Variants in MALRD1 observed in about 807,000 individuals in gnomAD.
MALRD1 encodes MAM and LDL-receptor class A domain-containing protein 1.
MALRD1 carries 247 observed loss-of-function variants against 242.1 expected under a neutral mutation model. That is an observed-to-expected ratio of 1.02 (90% CI 0.92 to 1.13). MALRD1 has a LOEUF of 1.13. Among genes scored for constraint, MALRD1 ranks in the 50% most tolerant of loss-of-function variants. The pLI is 0.00. For synonymous variants in MALRD1, 995 were observed against 866.6 expected, an observed-to-expected ratio of 1.15 and a Z score of -2.60; for missense variants, 2,989 against 2,533.1, an observed-to-expected ratio of 1.18 and a Z score of -3.86.
chr10:19,369,574 T>A (rs1845277101), intron 26 of MALRD1, among the ~76,000 whole-genome samples: 1 of 149,262 alleles, frequency 6.7e-6, no homozygotes, highest in African/African-American at 2.4e-5. Flanking sequence ...TATGCAAATA[T>A]GTGAATATAT....
intron 18 of MALRD1, among the ~76,000 whole-genome samples, chr10:19,236,051 T>C (rs1838304045): frequency 6.6e-6 from 1 of 152,200 alleles, no homozygotes; most frequent in Non-Finnish European, 1.5e-5. Flanking sequence ...GATTTAGTTA[T>C]GAAGCCCAAG....
rs1481611879 is a variant in MALRD1, at chr10:19,238,406, G to GTATAATATATAATATACATTATA, written c.2992-19238_2992-19216dup. 2.1e-4 allele frequency among the ~76,000 whole-genome samples: 11 copies of GTATAATATATAATATACATTATA among 52,904 alleles called. 1 individual carries two copies. The highest frequency in any genetic ancestry group is 7.3e-4 in the Admixed American group (2 of 2,740). 34.7% of individuals were successfully genotyped at this position (52,904 alleles called of 152,430 possible). On this transcript the variant is annotated intron_variant, in intron 18 of 39. Transcript: ENST00000454679. ...ATATATTATATATGTTATATATTATGTATAATATATAATATACATTATATA... is the reference window on the plus strand; with the variant it reads ...ATATATTATATATGTTATATATTATGTATAATATATAATATACATTATATATAATATATAATATACATTATATA...
chr10:19,600,119 G>A (rs1435298513), intron 34 of MALRD1, among the ~76,000 whole-genome samples: 1 of 152,068 alleles, frequency 6.6e-6, no homozygotes, highest in African/African-American at 2.4e-5. Flanking sequence ...GCCACTTCTG[G>A]TGGTTTAGAA....
chr10:19,646,263 C>T (rs1282208343), intron 36 of MALRD1, among the ~76,000 whole-genome samples: 1 of 152,164 alleles, frequency 6.6e-6, no homozygotes, highest in Non-Finnish European at 1.5e-5. Context: ...TCTACTACAT[C>T]ATTTCCAGCT....
intron 29 of MALRD1, among the ~76,000 whole-genome samples, chr10:19,483,922 A>G (rs1837130176): frequency 6.6e-6 from 1 of 152,200 alleles, no homozygotes; most frequent in African/African-American, 2.4e-5. Flanking sequence ...TACATATTAT[A>G]CACTATGGAA....
intron 35 of MALRD1, 60 bp from the exon 36 acceptor site, chr10:19,615,794 ATCT>A (rs1839126731): frequency 4.8e-6 from 6 of 1,260,242 alleles, no homozygotes; most frequent in South Asian, 2.7e-5. Flanking sequence ...AAATAGTGAT[ATCT>A]TCTTCTTCCT....
At chr10:19,488,311 G>A (rs1837321972) in intron 29 of MALRD1, among the ~76,000 whole-genome samples, 1 of 152,104 alleles carries the variant, frequency 6.6e-6, no homozygotes, top group Admixed American at 6.6e-5. Context: ...TTCTATGTGA[G>A]GCCCAAGAGA....
At chr10:19,430,111 CTTTT>C (rs1156254998) in intron 28 of MALRD1, among the ~76,000 whole-genome samples, 14 of 83,528 alleles carry the variant, frequency 1.7e-4, no homozygotes, top group African/African-American at 3.4e-4. Flanking sequence ...CTCCATTTTC[CTTTT>C]TTTTTTTTTT....
chr10:19,282,486 G>A (rs1840866473), intron 20 of MALRD1, among the ~76,000 whole-genome samples: 1 of 152,104 alleles, frequency 6.6e-6, no homozygotes, highest in Non-Finnish European at 1.5e-5. Flanking sequence ...TCAGATAACA[G>A]TTTTACACAT....
chr10:19,589,667 C>T (rs916152783), intron 33 of MALRD1, among the ~76,000 whole-genome samples: 3 of 152,140 alleles, frequency 2.0e-5, no homozygotes, highest in African/African-American at 7.2e-5. Context: ...TATAATGAGT[C>T]ATCTTGTCAA....
chr10:19,273,859 G>A (rs552923648), intron 19 of MALRD1, among the ~76,000 whole-genome samples: 2 of 152,254 alleles, frequency 1.3e-5, no homozygotes, highest in East Asian at 3.9e-4. Flanking sequence ...AGATATGCCA[G>A]TGTCCAACAA....
chr10:19,568,165 C>A (rs1269404731), intron 33 of MALRD1, among the ~76,000 whole-genome samples: 5 of 152,104 alleles, frequency 3.3e-5, no homozygotes, highest in South Asian at 2.1e-4. Context: ...AAAAAAAGTT[C>A]TATTCTAAAC....
At chr10:19,107,002 G>A (rs1302644194) in intron 5 of MALRD1, among the ~76,000 whole-genome samples, 3 of 151,918 alleles carry the variant, frequency 2.0e-5, no homozygotes, top group Non-Finnish European at 4.4e-5. Context: ...TAATTACTAT[G>A]ATTCTGACTT....
At chr10:19,512,673 T>C (rs1268820815) in intron 31 of MALRD1, among the ~76,000 whole-genome samples, 2 of 152,302 alleles carry the variant, frequency 1.3e-5, no homozygotes, top group East Asian at 3.9e-4. Flanking sequence ...AAGGTGGCAA[T>C]TGAGTTAAAT....
chr10:19,162,530 T>A (rs1834477249), intron 12 of MALRD1, among the ~76,000 whole-genome samples: 1 of 152,182 alleles, frequency 6.6e-6, no homozygotes, highest in Non-Finnish European at 1.5e-5. Flanking sequence ...TTTCCATACT[T>A]GAGTACTGCT....
intron 35 of MALRD1, among the ~76,000 whole-genome samples, chr10:19,609,798 G>A (rs530438387): frequency 6.6e-6 from 1 of 152,172 alleles, no homozygotes; most frequent in African/African-American, 2.4e-5. Flanking sequence ...GTCATTTGCA[G>A]TAGTAGAGGT....
At chr10:19,309,395 T>A (rs1295302970) in intron 21 of MALRD1, among the ~76,000 whole-genome samples, 1 of 151,566 alleles carries the variant, frequency 6.6e-6, no homozygotes, top group Non-Finnish European at 1.5e-5. Flanking sequence ...TATATCTACT[T>A]ACCAGACCAT....
At chr10:19,568,566 G>A (rs777582297) in intron 33 of MALRD1, among the ~76,000 whole-genome samples, 3 of 151,934 alleles carry the variant, frequency 2.0e-5, no homozygotes, top group African/African-American at 2.4e-5. Flanking sequence ...TCACTCCCAT[G>A]GTTAACATTC....
intron 29 of MALRD1, among the ~76,000 whole-genome samples, chr10:19,456,474 A>G (rs1835653441): frequency 6.6e-6 from 1 of 152,192 alleles, no homozygotes; most frequent in South Asian, 2.1e-4. Context: ...CTGGATTCAA[A>G]TTGAACTTGG....
Sources: gnomAD v4.1 joint callset for allele counts (sites outside exome capture counted in the v4.1 genomes callset) on GRCh38, gnomAD v4.1.1 for gene constraint, MANE v1.5 for transcripts, NCBI Gene and HGNC (gene_info 2026-07-23, HGNC 2026-07-21) for gene names.